CTBP2: variants seen among roughly 807,000 people sequenced by gnomAD.
The protein encoded by CTBP2 is C-terminal binding protein 2.
CTBP2 carries 30 observed loss-of-function variants against 80.3 expected under a neutral mutation model. The observed-to-expected ratio is 0.37, with a 90% confidence interval of 0.28 to 0.51. The LOEUF is 0.51. Among genes scored for constraint, CTBP2 ranks in the 20% least tolerant of loss-of-function variants. CTBP2 has a pLI of 0.93. For synonymous variants in CTBP2, 594 were observed against 587.4 expected, an observed-to-expected ratio of 1.01 and a Z score of -0.16; for missense variants, 1,212 against 1,375.3, an observed-to-expected ratio of 0.88 and a Z score of 1.88.
At chr10:125,121,382 C>A (rs927760895) in intron 1 of CTBP2, among the ~76,000 whole-genome samples, 1 of 152,194 alleles carries the variant, frequency 6.6e-6, no homozygotes, top group Admixed American at 6.5e-5. Flanking sequence ...AGAAAAGAGG[C>A]CTGAAGGAAA....
chr10:125,098,750 C>CAAAGAG (rs1850103307), intron 2 of CTBP2, among the ~76,000 whole-genome samples: 2 of 75,504 alleles, frequency 2.6e-5, no homozygotes, highest in African/African-American at 1.3e-4. Context: ...GAGAGAGAGA[C>CAAAGAG]AGAGAGAGAG....
Position 124,994,098 on chromosome 10 carries a change from G to T in CTBP2, c.2401-113C>A, listed in dbSNP as rs1361688319. 1.1e-5 allele frequency: 15 copies of T among 1,425,648 alleles called. No homozygotes were observed. The East Asian group carries it at 1.1e-4, about 11-fold the overall frequency. The allele number at this position is 1,425,648 out of a possible 1,614,324, so 88.3% of individuals were successfully genotyped here. On this transcript the variant is annotated intron_variant, in intron 5 of 8. Coordinates refer to ENST00000309035, the MANE Select transcript of CTBP2 (RefSeq NM_022802.3). Reference sequence around the variant, plus strand: ...AGTTTTGTTGGTCTGGTGGTTTAATGTGTGTGCTGCAGTTTGAGGGAAGGG... The same window carrying T: ...AGTTTTGTTGGTCTGGTGGTTTAATTTGTGTGCTGCAGTTTGAGGGAAGGG...
intron 1 of CTBP2, among the ~76,000 whole-genome samples, chr10:125,148,250 G>C (rs1859163217): frequency 6.6e-6 from 1 of 152,182 alleles, no homozygotes; most frequent in Non-Finnish European, 1.5e-5. Context: ...AGTTAGCTCA[G>C]TGCTTTCAAA....
At chr10:125,101,620 G>A (rs1160417693) in intron 2 of CTBP2, among the ~76,000 whole-genome samples, 1 of 152,216 alleles carries the variant, frequency 6.6e-6, no homozygotes. Flanking sequence ...CCAAGTGCCA[G>A]GTGGAAGACA....
intron 2 of CTBP2, among the ~76,000 whole-genome samples, chr10:125,064,907 T>A (rs1156325574): frequency 6.6e-6 from 1 of 152,266 alleles, no homozygotes; most frequent in African/African-American, 2.4e-5. Context: ...TGCCAAGTTT[T>A]GCATATTTGG....
chr10:125,084,146 A>G (rs1188449966), intron 2 of CTBP2, among the ~76,000 whole-genome samples: 1 of 151,724 alleles, frequency 6.6e-6, no homozygotes, highest in Non-Finnish European at 1.5e-5. Context: ...TTTTGTAGAG[A>G]TGTTATGTAT....
At chr10:124,991,669 C>T (rs1221054301) in intron 8 of CTBP2, among the ~76,000 whole-genome samples, 1 of 152,054 alleles carries the variant, frequency 6.6e-6, no homozygotes, top group East Asian at 1.9e-4. Flanking sequence ...ACTGGCATCC[C>T]GTGGGTAGAG....
intron 1 of CTBP2, among the ~76,000 whole-genome samples, chr10:125,134,848 C>A (rs2136166743): frequency 6.6e-6 from 1 of 152,044 alleles, no homozygotes; most frequent in African/African-American, 2.4e-5. Context: ...GCCCTCCCCA[C>A]TCCACCTACC....
intron 3 of CTBP2, 61 bp downstream of exon 3, chr10:125,038,936 C>G: frequency 6.5e-7 from 1 of 1,544,150 alleles, no homozygotes; most frequent in Non-Finnish European, 8.9e-7. Flanking sequence ...AGGGAGCAGC[C>G]AGCGAAGATT....
intron 2 of CTBP2, chr10:125,088,066 C>G (rs937726154): frequency 6.6e-6 from 1 of 152,332 alleles, no homozygotes; most frequent in African/African-American, 2.4e-5. Context: ...GAATCTGACC[C>G]AGGACGCCAG....
chr10:125,093,572 GCCTT>G (rs1438684541), intron 2 of CTBP2, among the ~76,000 whole-genome samples: 1 of 152,140 alleles, frequency 6.6e-6, no homozygotes, highest in African/African-American at 2.4e-5. Flanking sequence ...TTTATAAATG[GCCTT>G]CCTGCCCATC....
rs117580000 is a variant in CTBP2 at position 125,052,519 on chromosome 10, C to A, written c.-101-13364G>T. ...GGATTTCATTGTTTGGACCGTCCTGCCTTTGTGTTGTCTGTGTTAACAACA... is the reference window on the plus strand; with the variant it reads ...GGATTTCATTGTTTGGACCGTCCTGACTTTGTGTTGTCTGTGTTAACAACA... On this transcript the variant is annotated intron_variant, in intron 2 of 10. Coordinates refer to the CTBP2 transcript ENST00000337195. Among the ~76,000 whole-genome samples, 7 of 152,342 alleles carry A rather than the reference C, an allele frequency of 4.6e-5. No individual in the cohort carries two copies. The East Asian group carries it at 1.2e-3, about 25-fold the overall frequency.
upstream of CTBP2, among the ~76,000 whole-genome samples, chr10:125,030,859 C>A (rs1958102711): frequency 6.6e-6 from 1 of 152,140 alleles, no homozygotes; most frequent in Non-Finnish European, 1.5e-5. Context: ...CAGGGGGGTC[C>A]TGCACCTGCC....
intron 1 of CTBP2, among the ~76,000 whole-genome samples, chr10:125,123,833 T>C (rs1854749595): frequency 6.6e-6 from 1 of 152,212 alleles, no homozygotes; most frequent in Admixed American, 6.5e-5. Flanking sequence ...CTCTCCCAGG[T>C]GCTGCCAGCT....
intron 1 of CTBP2, among the ~76,000 whole-genome samples, chr10:125,146,135 A>T (rs1472961494): frequency 6.6e-6 from 1 of 152,092 alleles, no homozygotes; most frequent in Non-Finnish European, 1.5e-5. Context: ...TACAAAATCA[A>T]TTTCTCCAAA....
chr10:125,102,918 C>A (rs901175068), intron 2 of CTBP2, among the ~76,000 whole-genome samples: 16 of 152,190 alleles, frequency 1.1e-4, no homozygotes, highest in African/African-American at 3.6e-4. Flanking sequence ...TTGGCTGAAC[C>A]ACATTATCCC....
chr10:125,022,421 T>C (rs1957137613), intron 1 of CTBP2, among the ~76,000 whole-genome samples: 1 of 152,142 alleles, frequency 6.6e-6, no homozygotes, highest in Non-Finnish European at 1.5e-5. Context: ...GCCACAGGCC[T>C]GGCACATAGC....
At chr10:125,098,762 GAGAGAGAGAGAGAGAGAC>G (rs1564914856) in intron 2 of CTBP2, among the ~76,000 whole-genome samples, 1 of 128,104 alleles carries the variant, frequency 7.8e-6, no homozygotes. Flanking sequence ...GAGAGAGAGA[GAGAGAGAGAGAGAGAGAC>G]AGAGAGAGAG....
rs781026225 is a variant in CTBP2, at chr10:125,027,007, C to T, written c.753G>A (p.Gly251=). Reference sequence around the variant, plus strand: ...CAGGCCCGTAGCCACGATTCAGGGCCCCTGGGGCCACCCCTGTGCTGCCTT... The same window carrying T: ...CAGGCCCGTAGCCACGATTCAGGGCTCCTGGGGCCACCCCTGTGCTGCCTT... Residue 251 remains glycine, a synonymous_variant, in exon 1 of 9, where the codon GGG becomes GGA. Coordinates refer to ENST00000309035, the MANE Select transcript of CTBP2 (RefSeq NM_022802.3). 15 of 1,613,842 alleles carry T rather than the reference C, an allele frequency of 9.3e-6. No individual in the cohort carries two copies. The Admixed American group carries it at 2.5e-4, about 27-fold the overall frequency.
Sources: allele counts gnomAD v4.1 joint callset (sites outside exome capture counted in the v4.1 genomes callset), GRCh38; gene constraint gnomAD v4.1.1; transcripts MANE v1.5; gene names NCBI Gene and HGNC (gene_info 2026-07-23, HGNC 2026-07-21).